KCNG2: variants seen among roughly 807,000 people sequenced by gnomAD.
KCNG2 encodes voltage-gated potassium channel regulatory subunit KCNG2.
Under a neutral mutation model 12.3 loss-of-function variants are expected in KCNG2, and 7 were observed. The ratio of observed to expected loss-of-function variants is 0.57; its 90% confidence interval spans 0.32 to 1.07. KCNG2 has a LOEUF of 1.07. KCNG2 is among the 50% of genes least tolerant of loss of function. The pLI, the probability that KCNG2 is intolerant of heterozygous loss-of-function variation, is 0.04. For missense variants in KCNG2, 703 were observed against 726.0 expected (o/e 0.97, Z 0.36); for synonymous variants, 414 against 351.4 (o/e 1.18, Z -1.99).
Position 79,856,132 on chromosome 18 carries a change from A to G in KCNG2, c.-114-247A>G, listed in dbSNP as rs575536879. The stretch of plus-strand genomic sequence containing the variant: ...AAAATGTATGTTCTGGGAGGAAGAA[A>G]GCCTTTTACAGCAAAAGTTCCAGGT... On this transcript the variant is annotated intron_variant, in intron 1 of 3. Coordinates refer to ENST00000316249, the MANE Select transcript of KCNG2 (RefSeq NM_012283.2). Among the ~76,000 whole-genome samples, 4 of 152,356 alleles carry G rather than the reference A, an allele frequency of 2.6e-5. No individual in the cohort carries two copies. In the South Asian group the frequency reaches 8.3e-4, roughly 32 times the overall value.
intron 1 of KCNG2, among the ~76,000 whole-genome samples, chr18:79,824,319 T>C (rs1289080159): frequency 1.3e-5 from 2 of 152,244 alleles, no homozygotes; most frequent in Non-Finnish European, 2.9e-5. Flanking sequence ...TTTCCAATGA[T>C]TGTGTTCTTT....
intron 1 of KCNG2, among the ~76,000 whole-genome samples, chr18:79,817,372 T>A (rs2087537624): frequency 6.6e-6 from 1 of 152,188 alleles, no homozygotes. Flanking sequence ...CACACAGTTG[T>A]CATGCCTGGC....
At chr18:79,898,590 G>C (rs2123139094) in intron 3 of KCNG2, among the ~76,000 whole-genome samples, 1 of 152,322 alleles carries the variant, frequency 6.6e-6, no homozygotes, top group African/African-American at 2.4e-5. Flanking sequence ...GGGGGTGGGG[G>C]TCTGTGTTCG....
chr18:79,877,582 C>T (rs564632916), intron 3 of KCNG2, among the ~76,000 whole-genome samples: 41 of 152,048 alleles, frequency 2.7e-4, no homozygotes, highest in East Asian at 7.7e-4. Context: ...CTCCGCCCCC[C>T]CCGAGAGTCA....
chr18:79,875,647 C>T (rs1384048043), intron 3 of KCNG2, among the ~76,000 whole-genome samples: 1 of 152,220 alleles, frequency 6.6e-6, no homozygotes, highest in Non-Finnish European at 1.5e-5. Context: ...GCACCGCAGA[C>T]CCTGGCACGG....
At chr18:79,814,188 T>G (rs2087511742) in intron 1 of KCNG2, among the ~76,000 whole-genome samples, 1 of 152,366 alleles carries the variant, frequency 6.6e-6, no homozygotes, top group Non-Finnish European at 1.5e-5. Context: ...GGAAACAGTT[T>G]GGCTGTTTCT....
At chr18:79,829,577 A>G (rs866277544) in intron 1 of KCNG2, among the ~76,000 whole-genome samples, 1 of 151,196 alleles carries the variant, frequency 6.6e-6, no homozygotes, top group South Asian at 2.1e-4. Context: ...CTGCCTCCCT[A>G]TGGCTGGTCA....
At chr18:79,839,530 T>A (rs946865369) in intron 1 of KCNG2, among the ~76,000 whole-genome samples, 3 of 152,148 alleles carry the variant, frequency 2.0e-5, no homozygotes, top group African/African-American at 4.8e-5. Context: ...GTGAAATAGA[T>A]CATGAGAATA....
intron 1 of KCNG2, among the ~76,000 whole-genome samples, chr18:79,816,729 C>A (rs2087531105): frequency 6.6e-6 from 1 of 152,208 alleles, no homozygotes; most frequent in Non-Finnish European, 1.5e-5. Context: ...GGCTGAGTGG[C>A]AGATCGGGAA....
Position 79,864,167 on chromosome 18 carries a change from T to C in KCNG2, c.500T>C (p.Val167Ala). The C allele has an allele frequency of 6.7e-7, 1 of 1,497,698 alleles. No homozygotes were observed. The highest frequency in any genetic ancestry group is 1.2e-5 in the South Asian group (1 of 83,948). The allele number at this position is 1,497,698 out of a possible 1,614,324, so 92.8% of individuals were successfully genotyped here. The change falls in exon 3 of 4, where the codon GTG (valine) becomes GCG (alanine). Residue 167 changes from valine (V) to alanine (A), a missense_variant. Transcript: ENST00000316249. ...QRGRRRLRDV[V>A]DNPHSGLAGK... is the part of the protein sequence containing the mutation. ...GGCCGGCGGCGCCTGCGCGACGTGG[T>C]GGACAACCCGCACTCGGGGCTGGCG... is the stretch of plus-strand genomic sequence containing the variant.
At chr18:79,850,978 A>G (rs1486110461) in intron 1 of KCNG2, among the ~76,000 whole-genome samples, 2 of 152,214 alleles carry the variant, frequency 1.3e-5, no homozygotes, top group African/African-American at 4.8e-5. Flanking sequence ...GTTACCAGAA[A>G]GGGGTCCCAA....
chr18:79,828,483 G>A lies in KCNG2; in HGVS notation c.-114-27896G>A, dbSNP rs546821900. 7.8e-4 allele frequency among the ~76,000 whole-genome samples: 115 copies of A among 148,140 alleles called. 1 individual carries two copies. Among genetic ancestry groups the A allele is most frequent in the African/African-American group, 2.8e-3 (115 of 40,406 alleles). ...AATGTGTGTCTGTGTGTGCATGAAT[G>A]TGTGCATATGTGTCTACATGAGTCT... is the stretch of plus-strand genomic sequence containing the variant. On this transcript the variant is annotated intron_variant, in intron 1 of 3. Transcript: ENST00000316249.
chr18:79,821,764 C>G (rs758989048), intron 1 of KCNG2, among the ~76,000 whole-genome samples: 1 of 152,200 alleles, frequency 6.6e-6, no homozygotes, highest in Non-Finnish European at 1.5e-5. Context: ...CATCTCTGGG[C>G]GTCCTGCTCC....
Position 79,864,194 on chromosome 18 carries a change from G to T in KCNG2, c.527G>T (p.Gly176Val). The change falls in exon 3 of 4, where the codon GGC becomes GTC. Residue 176 changes from glycine to valine, a missense_variant. Gly to Val is a moderately radical substitution (Grantham distance 109). Transcript: ENST00000316249. ...VVDNPHSGLA[G>V]KLFACVSVSF... ...GACAACCCGCACTCGGGGCTGGCGG[G>T]CAAGCTCTTCGCCTGCGTGTCCGTG... 1 of 1,531,748 alleles carries T rather than the reference G, an allele frequency of 6.5e-7. No individual in the cohort carries two copies. Among genetic ancestry groups the T allele is most frequent in the Non-Finnish European group, 8.7e-7 (1 of 1,143,992 alleles). The allele number at this position is 1,531,748 out of a possible 1,614,324, so 94.9% of individuals were successfully genotyped here.
At chr18:79,867,596 G>T (rs12966095) in intron 3 of KCNG2, among the ~76,000 whole-genome samples, 41,676 of 115,980 alleles carry the variant, frequency 0.36, 7,636 homozygotes, top group Middle Eastern at 0.48. Flanking sequence ...TGTCGTGTCT[G>T]GGGGGGGACC....
Position 79,899,771 on chromosome 18 carries a change from G to A in KCNG2, c.1356G>A (p.Leu452=). Residue 452 remains leucine, a synonymous_variant, in exon 4 of 4, where the codon CTG becomes CTA. Transcript: ENST00000316249. ...DSSQGPDSAG[L]ADDSADALWV... ...CGCAGGGCCCCGACAGCGCGGGCCT[G>A]GCCGACGACTCCGCGGATGCGCTGT... 1 of 1,502,458 alleles carries A rather than the reference G, an allele frequency of 6.7e-7. No homozygotes were observed. Among genetic ancestry groups the A allele is most frequent in the Non-Finnish European group, 8.8e-7 (1 of 1,134,848 alleles). The allele number at this position is 1,502,458 out of a possible 1,614,324, so 93.1% of individuals were successfully genotyped here. A position where few individuals can be genotyped will look rare whatever the true frequency, so the allele number is the denominator to read the frequency against.
Position 79,899,557 on chromosome 18 carries a change from C to T in KCNG2, c.1142C>T (p.Pro381Leu). The T allele has an allele frequency of 2.5e-6, 4 of 1,601,994 alleles. No individual in the cohort carries two copies. The highest frequency in any genetic ancestry group is 3.4e-6 in the Non-Finnish European group (4 of 1,174,760). Reference protein sequence around the residue: ...GYGDMVPRSLPGQVVALSSIL... With the variant: ...GYGDMVPRSLLGQVVALSSIL... The stretch of plus-strand genomic sequence containing the variant: ...GGCGACATGGTCCCGCGCAGCCTGC[C>T]CGGGCAGGTGGTGGCGCTCAGCAGC... Residue 381 changes from proline (P) to leucine (L), a missense_variant, in exon 4 of 4, where the codon CCC becomes CTC. Physicochemically the swap from Pro to Leu is moderately conservative, Grantham distance 98. Transcript: ENST00000316249.
chr18:79,896,175 A>T (rs1980968013), intron 3 of KCNG2, among the ~76,000 whole-genome samples: 1 of 152,208 alleles, frequency 6.6e-6, no homozygotes, highest in African/African-American at 2.4e-5. Context: ...CGTGTTGGCC[A>T]GGCTGGTGTA....
At chr18:79,871,268 T>G (rs1267516150) in intron 3 of KCNG2, among the ~76,000 whole-genome samples, 1 of 152,226 alleles carries the variant, frequency 6.6e-6, no homozygotes, top group Non-Finnish European at 1.5e-5. Context: ...AAAACGTGCT[T>G]GCGTCTGTCG....
Sources: allele counts gnomAD v4.1 joint callset (sites outside exome capture counted in the v4.1 genomes callset), GRCh38; gene constraint gnomAD v4.1.1; transcripts MANE v1.5; gene names NCBI Gene and HGNC (gene_info 2026-07-23, HGNC 2026-07-21).